Variants in RSBN1L observed in about 807,000 individuals in gnomAD.
RSBN1L encodes the protein lysine-specific demethylase RSBN1L.
A neutral mutation model predicts 67.7 loss-of-function variants in RSBN1L; 30 were observed. That is an observed-to-expected ratio of 0.44 (90% confidence interval 0.33 to 0.60). RSBN1L has a LOEUF of 0.60. Ranked by LOEUF, RSBN1L falls within the 20% of genes least tolerant of loss-of-function variation. RSBN1L has a pLI of 0.02. For synonymous variants in RSBN1L, 433 were observed against 387.0 expected (o/e 1.12, Z -1.39); for missense variants, 992 against 1,031.7 (o/e 0.96, Z 0.53).
At chr7:77,705,312 C>A (rs1456435259) in intron 1 of RSBN1L, among the ~76,000 whole-genome samples, 1 of 151,968 alleles carries the variant, frequency 6.6e-6, no homozygotes, top group Non-Finnish European at 1.5e-5. Flanking sequence ...GTGATATTTA[C>A]TTTGTATTTC....
chr7:77,752,681 A>G (rs1208364369), intron 3 of RSBN1L, among the ~76,000 whole-genome samples: 2 of 152,202 alleles, frequency 1.3e-5, no homozygotes, highest in African/African-American at 4.8e-5. Context: ...CATAGTATAC[A>G]TATTATAAAT....
intron 3 of RSBN1L, among the ~76,000 whole-genome samples, chr7:77,753,434 G>A (rs181337434): frequency 1.3e-5 from 2 of 152,254 alleles, no homozygotes; most frequent in African/African-American, 4.8e-5. Flanking sequence ...CTTTTGTAAA[G>A]TACCTGTCCA....
At chr7:77,735,510 C>A (rs554301007) in intron 1 of RSBN1L, among the ~76,000 whole-genome samples, 1 of 152,072 alleles carries the variant, frequency 6.6e-6, no homozygotes, top group African/African-American at 2.4e-5. Flanking sequence ...TGATTAGGAC[C>A]TGGGTTATGG....
At chr7:77,729,280 C>T (rs1021999957) in intron 1 of RSBN1L, among the ~76,000 whole-genome samples, 4 of 152,064 alleles carry the variant, frequency 2.6e-5, no homozygotes, top group African/African-American at 9.7e-5. Context: ...AGGTGGTGAA[C>T]AAGAATTTCT....
Position 77,702,672 on chromosome 7 carries a change from A to G in RSBN1L, c.586+5617A>G, listed in dbSNP as rs1790834320. On this transcript the variant is annotated intron_variant, in intron 1 of 7. Transcript: ENST00000334955. ...GGGTGTCTTAGTCACTCGGGCTGCT[A>G]TAATAAAATACCATAGAATGGGTGA... 3.3e-5 allele frequency among the ~76,000 whole-genome samples: 5 copies of G among 152,152 alleles called. No individual in the cohort carries two copies. In the South Asian group the frequency reaches 1.0e-3, roughly 32 times the overall value.
At chr7:77,765,665 T>G in intron 4 of RSBN1L, 33 bp downstream of exon 4, 1 of 1,479,952 alleles carries the variant, frequency 6.8e-7, no homozygotes, top group Non-Finnish European at 9.1e-7. Context: ...ATTAGAGTTT[T>G]TTTTTTAAAA....
chr7:77,716,346 G>A (rs1044992436), intron 1 of RSBN1L, among the ~76,000 whole-genome samples: 4 of 151,076 alleles, frequency 2.6e-5, no homozygotes, highest in African/African-American at 4.9e-5. Flanking sequence ...TTTTGACACC[G>A]TCTCTCACTT....
At chr7:77,698,247 T>G (rs1299092967) in intron 1 of RSBN1L, among the ~76,000 whole-genome samples, 2 of 152,382 alleles carry the variant, frequency 1.3e-5, no homozygotes, top group Admixed American at 1.3e-4. Flanking sequence ...GGGACTCTGG[T>G]GCAATGTAAA....
intron 6 of RSBN1L, among the ~76,000 whole-genome samples, chr7:77,774,640 G>A (rs1424233941): frequency 1.3e-5 from 2 of 152,194 alleles, no homozygotes; most frequent in Non-Finnish European, 2.9e-5. Context: ...AGGAGGCTGA[G>A]GCAGGAGAAG....
At chr7:77,743,015 A>G (rs1360433820) in intron 2 of RSBN1L, among the ~76,000 whole-genome samples, 3 of 152,044 alleles carry the variant, frequency 2.0e-5, no homozygotes, top group Non-Finnish European at 4.4e-5. Flanking sequence ...TTCTGCATAC[A>G]GTGCTCATTT....
In RSBN1L at chr7:77,779,265, G is replaced by GT; in HGVS notation, c.*99dup. 1.2e-6 allele frequency: 1 copy of GT among 827,048 alleles called. No individual in the cohort carries two copies. The highest frequency in any genetic ancestry group is 1.9e-6 in the Non-Finnish European group (1 of 532,280). The allele number at this position is 827,048 out of a possible 1,614,324, so 51.2% of individuals were successfully genotyped here. A position where few individuals can be genotyped will look rare whatever the true frequency, so the allele number is the denominator to read the frequency against. The stretch of plus-strand genomic sequence containing the variant: ...AAGCCAAGGACTTGCTCCTATGTCT[G>GT]TTACAAAACATAGTTTATGTAGCTT... On this transcript the variant is annotated 3_prime_UTR_variant, in exon 8 of 8. Coordinates refer to ENST00000334955, the MANE Select transcript of RSBN1L (RefSeq NM_198467.3).
intron 1 of RSBN1L, among the ~76,000 whole-genome samples, chr7:77,703,916 A>C (rs1005271995): frequency 6.6e-6 from 1 of 152,140 alleles, no homozygotes; most frequent in African/African-American, 2.4e-5. Flanking sequence ...CACCCTCCCC[A>C]GTAGCTAGGA....
intron 2 of RSBN1L, among the ~76,000 whole-genome samples, chr7:77,737,320 C>T (rs1468376726): frequency 6.6e-6 from 1 of 152,042 alleles, no homozygotes; most frequent in Non-Finnish European, 1.5e-5. Context: ...AATATGTTGA[C>T]CTTGATTAAC....
At chr7:77,712,558 C>T (rs982822685) in intron 1 of RSBN1L, among the ~76,000 whole-genome samples, 12 of 152,176 alleles carry the variant, frequency 7.9e-5, no homozygotes, top group African/African-American at 1.2e-4. Context: ...AGATTACAGG[C>T]GTGAGCCACT....
At chr7:77,707,008 TC>T (rs1394664532) in intron 1 of RSBN1L, among the ~76,000 whole-genome samples, 1 of 151,774 alleles carries the variant, frequency 6.6e-6, no homozygotes, top group Non-Finnish European at 1.5e-5. Flanking sequence ...CCGTATGAAT[TC>T]CCATTAAACT....
At position 77,696,535 on chromosome 7, in the gene RSBN1L, G is replaced by A. The variant is rs1347136970; in HGVS notation, c.66G>A (p.Glu22=). 1 of 1,614,048 alleles carries A rather than the reference G, an allele frequency of 6.2e-7. No homozygotes were observed. Among genetic ancestry groups the A allele is most frequent in the East Asian group, 2.2e-5 (1 of 44,872 alleles). ...AAAAPTATVS[E]KEPFGKLQLS... Reference sequence around the variant, plus strand: ...CGGCCCCCACCGCCACCGTCTCGGAGAAAGAACCGTTTGGCAAGCTGCAAC... The same window carrying A: ...CGGCCCCCACCGCCACCGTCTCGGAAAAAGAACCGTTTGGCAAGCTGCAAC... The change falls in exon 1 of 8, where the codon GAG becomes GAA. Residue 22 remains glutamate (E), a synonymous_variant. Transcript: ENST00000334955.
At chr7:77,735,220 CACTAGTTTTATG>C (rs1791318655) in intron 1 of RSBN1L, among the ~76,000 whole-genome samples, 1 of 151,902 alleles carries the variant, frequency 6.6e-6, no homozygotes, top group African/African-American at 2.4e-5. Context: ...GTATGGTAGA[CACTAGTTTTATG>C]TGACTATTCA....
In RSBN1L at chr7:77,765,645, C is replaced by G. The variant is rs375139324; in HGVS notation, c.1482+13C>G. ...ACCATTTTTAAAAGTAAGAGACAAT[C>G]TGTCATGGGATTAGAGTTTTTTTTT... On this transcript the variant is annotated intron_variant, in intron 4 of 7. Coordinates refer to ENST00000334955, the MANE Select transcript of RSBN1L (RefSeq NM_198467.3). The G allele has an allele frequency of 4.9e-5, 78 of 1,576,414 alleles. No individual in the cohort carries two copies. Among genetic ancestry groups the G allele is most frequent in the Non-Finnish European group, 6.6e-5 (76 of 1,159,192 alleles).
At chr7:77,753,406 T>C (rs1175873117) in intron 3 of RSBN1L, among the ~76,000 whole-genome samples, 2 of 152,232 alleles carry the variant, frequency 1.3e-5, no homozygotes, top group Non-Finnish European at 2.9e-5. Context: ...ATATGATTAT[T>C]ATCCAGTTGA....
Sources: allele counts gnomAD v4.1 joint callset (sites outside exome capture counted in the v4.1 genomes callset), GRCh38; gene constraint gnomAD v4.1.1; transcripts MANE v1.5; gene names NCBI Gene and HGNC (gene_info 2026-07-23, HGNC 2026-07-21).